TDRD9: variants seen among roughly 807,000 people sequenced by gnomAD.
TDRD9 encodes the protein tudor domain containing 9, also known as ATP-dependent RNA helicase TDRD9.
A neutral mutation model predicts 172.6 loss-of-function variants in TDRD9; 124 were observed. The ratio of observed to expected loss-of-function variants is 0.72; its 90% CI spans 0.62 to 0.83. The LOEUF (loss-of-function observed/expected upper bound fraction) is 0.83, where lower values mean the gene tolerates loss of function less well. TDRD9 is among the 40% of genes least tolerant of loss of function. The probability of loss-of-function intolerance (pLI) is 0.00; values close to 1 mark genes in which losing one functional copy is unlikely to be tolerated. For missense variants in TDRD9, 1,479 were observed against 1,714.1 expected (o/e 0.86, Z 2.42); for synonymous variants, 619 against 617.1 (o/e 1.00, Z -0.05).
At chr14:103,930,083 G>T (rs539783626) in intron 1 of TDRD9, among the ~76,000 whole-genome samples, 22 of 152,180 alleles carry the variant, frequency 1.4e-4, no homozygotes, top group Non-Finnish European at 1.9e-4. Flanking sequence ...CTTTAAAAAG[G>T]CCCTGGGAGA....
At chr14:103,947,927 T>C (rs1399584431) in intron 1 of TDRD9, among the ~76,000 whole-genome samples, 1 of 152,178 alleles carries the variant, frequency 6.6e-6, no homozygotes, top group Non-Finnish European at 1.5e-5. Context: ...GCTCACAAGA[T>C]GGAGAAATAT....
intron 24 of TDRD9, among the ~76,000 whole-genome samples, chr14:104,022,691 C>T (rs2034996145): frequency 1.3e-5 from 2 of 151,774 alleles, no homozygotes; most frequent in African/African-American, 4.8e-5. Flanking sequence ...TGCACCACTG[C>T]ACTCCAGCCT....
chr14:103,993,514 C>T (rs541931517), intron 9 of TDRD9, among the ~76,000 whole-genome samples: 15 of 152,194 alleles, frequency 9.9e-5, no homozygotes, highest in Non-Finnish European at 1.8e-4. Context: ...CATTTATTCT[C>T]TCCCTGTTTT....
chr14:104,020,396 G>A (rs930055977), intron 23 of TDRD9, among the ~76,000 whole-genome samples: 1 of 152,152 alleles, frequency 6.6e-6, no homozygotes, highest in Non-Finnish European at 1.5e-5. Context: ...GATTGCATGT[G>A]GGGGGCAAAG....
rs1317954329 is a variant in TDRD9, at chr14:103,928,671, C to G, written c.162C>G (p.Ala54=). 1 of 1,234,576 alleles carries G rather than the reference C, an allele frequency of 8.1e-7. No homozygotes were observed. The allele number at this position is 1,234,576 out of a possible 1,614,324, so 76.5% of individuals were successfully genotyped here. The change falls in exon 1 of 36, where the codon GCC becomes GCG. Residue 54 remains alanine (A), a synonymous_variant. Coordinates refer to ENST00000409874, the MANE Select transcript of TDRD9 (RefSeq NM_153046.3). ...QDVAPGAGPA[A]QAPALAQAPA... ...TGGCCCCCGGCGCTGGTCCCGCGGC[C>G]CAGGCTCCGGCTCTGGCCCAAGCTC... is the stretch of plus-strand genomic sequence containing the variant.
intron 30 of TDRD9, among the ~76,000 whole-genome samples, chr14:104,033,248 A>G (rs947580042): frequency 1.8e-4 from 27 of 152,234 alleles, no homozygotes; most frequent in African/African-American, 6.3e-4. Context: ...GGGCCTTCCA[A>G]ATGAGCCTGC....
At chr14:104,035,693 G>A (rs1224942375) in intron 32 of TDRD9, among the ~76,000 whole-genome samples, 2 of 152,188 alleles carry the variant, frequency 1.3e-5, no homozygotes, top group African/African-American at 2.4e-5. Context: ...AGTGGGTGGG[G>A]GTGGCTAGAA....
Position 103,970,733 on chromosome 14 carries a change from G to C in TDRD9, c.846+112G>C, listed in dbSNP as rs2032985443. On this transcript the variant is annotated intron_variant, in intron 6 of 35. Coordinates refer to ENST00000409874, the MANE Select transcript of TDRD9 (RefSeq NM_153046.3). The stretch of plus-strand genomic sequence containing the variant: ...ATAGAGCATTCTGGGACCCCGGACA[G>C]ATACTAAAATCTGAGGATCCTCAAG... 3.8e-6 allele frequency: 3 copies of C among 788,528 alleles called. No individual in the cohort carries two copies. The African/African-American group carries it at 5.2e-5, about 14-fold the overall frequency. 48.8% of individuals were successfully genotyped at this position (788,528 alleles called of 1,614,324 possible).
At chr14:103,992,078 G>A (rs1463989457) in intron 9 of TDRD9, among the ~76,000 whole-genome samples, 7 of 152,274 alleles carry the variant, frequency 4.6e-5, no homozygotes, top group African/African-American at 1.7e-4. Context: ...AAAACACACT[G>A]TTATTATAAC....
chr14:103,932,117 A>T (rs1227968758), intron 1 of TDRD9, among the ~76,000 whole-genome samples: 1 of 152,216 alleles, frequency 6.6e-6, no homozygotes, highest in African/African-American at 2.4e-5. Flanking sequence ...AACCCTAAGC[A>T]GGGGATCCAG....
chr14:103,998,350 C>T (rs904541661), intron 12 of TDRD9, among the ~76,000 whole-genome samples: 16 of 152,058 alleles, frequency 1.1e-4, no homozygotes, highest in African/African-American at 3.1e-4. Flanking sequence ...GTTACTCTTT[C>T]GGGTGCAGTC....
intron 27 of TDRD9, 124 bp from the exon 28 acceptor site, chr14:104,026,555 T>C: frequency 8.6e-7 from 1 of 1,167,954 alleles, no homozygotes; most frequent in Admixed American, 2.4e-5. Context: ...AACATTAGTT[T>C]TATTGGGACT....
intron 13 of TDRD9, 53 bp downstream of exon 13, chr14:103,998,781 C>G: frequency 1.2e-6 from 1 of 846,086 alleles, no homozygotes; most frequent in Non-Finnish European, 1.9e-6. Context: ...CACAGTGGCA[C>G]ATTCAGGTGC....
intron 7 of TDRD9, among the ~76,000 whole-genome samples, chr14:103,977,076 A>G (rs563874159): frequency 1.3e-5 from 2 of 152,286 alleles, no homozygotes; most frequent in South Asian, 2.1e-4. Context: ...ATATCTCAAT[A>G]TGGTTTGGAT....
At chr14:103,946,498 G>A (rs1345102982) in intron 1 of TDRD9, among the ~76,000 whole-genome samples, 2 of 152,190 alleles carry the variant, frequency 1.3e-5, no homozygotes, top group African/African-American at 2.4e-5. Context: ...ACAAGGTGAG[G>A]TTGCCGCCTT....
intron 20 of TDRD9, among the ~76,000 whole-genome samples, chr14:104,012,626 G>A (rs924656908): frequency 2.0e-5 from 3 of 151,568 alleles, no homozygotes; most frequent in East Asian, 1.9e-4. Context: ...CTAATTAAAA[G>A]CATTTAAAGC....
At chr14:103,939,769 C>T in intron 1 of TDRD9, 1 of 10,296 alleles carries the variant, frequency 9.7e-5, no homozygotes, top group South Asian at 4.2e-3. Flanking sequence ...TTTTTTGAGA[C>T]AAGGTCTTTC....
At chr14:103,986,157 GC>G (rs1405836042) in intron 7 of TDRD9, 59 bp from the exon 8 acceptor site, 1 of 1,247,980 alleles carries the variant, frequency 8.0e-7, no homozygotes, top group Non-Finnish European at 1.2e-6. Flanking sequence ...CCCATCCAAC[GC>G]CAGGTTTCTT....
At chr14:103,959,486 A>G (rs149315315) in intron 2 of TDRD9, among the ~76,000 whole-genome samples, 3,412 of 90,604 alleles carry the variant, frequency 0.038, 77 homozygotes, top group East Asian at 0.1. Context: ...GTGTGTATGT[A>G]TACATACACA....
Sources: gnomAD v4.1 joint callset for allele counts (sites outside exome capture counted in the v4.1 genomes callset) on GRCh38, gnomAD v4.1.1 for gene constraint, MANE v1.5 for transcripts, NCBI Gene and HGNC (gene_info 2026-07-23, HGNC 2026-07-21) for gene names.